KCTD10: variants seen among roughly 807,000 people sequenced by gnomAD.
The protein encoded by KCTD10 is potassium channel tetramerization domain containing 10.
A neutral mutation model predicts 34.6 loss-of-function variants in KCTD10; 13 were observed. That is an observed-to-expected ratio of 0.38 (90% CI 0.24 to 0.60). The LOEUF is 0.60. KCTD10 is among the 20% of genes least tolerant of loss of function. The pLI, the probability that KCTD10 is intolerant of heterozygous loss-of-function variation, is 0.66. For synonymous variants in KCTD10, 156 were observed against 168.8 expected, an observed-to-expected ratio of 0.92 and a Z score of 0.59; for missense variants, 256 against 420.3, an observed-to-expected ratio of 0.61 and a Z score of 3.42.
At chr12:109,455,874 C>A (rs1872991251) in intron 6 of KCTD10, among the ~76,000 whole-genome samples, 2 of 152,096 alleles carry the variant, frequency 1.3e-5, no homozygotes, top group South Asian at 4.1e-4. Flanking sequence ...AGAGTCCAGC[C>A]CAGTCAGGGA....
intron 6 of KCTD10, among the ~76,000 whole-genome samples, chr12:109,452,854 T>TTTTTTTTTTTTAA: frequency 6.6e-6 from 1 of 151,252 alleles, no homozygotes; most frequent in African/African-American, 2.4e-5. Flanking sequence ...CCTTTTTTTT[T>TTTTTTTTTTTTAA]AAAAGATATG....
intron 1 of KCTD10, chr12:109,470,534 G>A (rs1873834452): frequency 1.0e-6 from 1 of 985,336 alleles, no homozygotes. Flanking sequence ...GAGCAAACAT[G>A]TCTGAAATGA....
chr12:109,457,411 TATAATA>T (rs965538336), intron 5 of KCTD10: 3 of 467,376 alleles, frequency 6.4e-6, no homozygotes, highest in African/African-American at 2.0e-5. Flanking sequence ...ATATTGTGAA[TATAATA>T]ATAACTGTAC....
At chr12:109,452,076 C>T (rs1872801882) in intron 6 of KCTD10, among the ~76,000 whole-genome samples, 1 of 152,150 alleles carries the variant, frequency 6.6e-6, no homozygotes, top group African/African-American at 2.4e-5. Context: ...ATCATTTTAC[C>T]CTCTCAAAGA....
chr12:109,453,346 T>A (rs765984159), intron 6 of KCTD10, among the ~76,000 whole-genome samples: 1 of 151,948 alleles, frequency 6.6e-6, no homozygotes, highest in South Asian at 2.1e-4. Flanking sequence ...CACACCACCA[T>A]GCCCAGCTAT....
rs540283759 is a variant in KCTD10 at position 109,475,443 on chromosome 12, C to T, written c.3+1817G>A. Among the ~76,000 whole-genome samples the T allele has an allele frequency of 3.3e-5, 5 of 152,262 alleles. No homozygotes were observed. In the East Asian group the frequency reaches 9.6e-4, roughly 29 times the overall value. On this transcript the variant is annotated intron_variant, in intron 1 of 6. Transcript: ENST00000228495. ...AGTGAGCCAAGATAATACCAGTGCA[C>T]TCTCCAGCCTGGGCGACAGAGCAAG...
intron 2 of KCTD10, among the ~76,000 whole-genome samples, chr12:109,464,257 C>G (rs1266170383): frequency 1.3e-5 from 2 of 152,192 alleles, no homozygotes; most frequent in East Asian, 1.9e-4. Context: ...CTGCCTCATT[C>G]CTGATCAGAA....
chr12:109,457,808 C>CT (rs1873100582), intron 4 of KCTD10, 126 bp from the exon 5 acceptor site: 1 of 1,137,120 alleles, frequency 8.8e-7, no homozygotes, highest in African/African-American at 1.5e-5. Flanking sequence ...AGCTTGCTGG[C>CT]TGGAGAGGGG....
chr12:109,470,696 G>GT, intron 1 of KCTD10: 1 of 625,644 alleles, frequency 1.6e-6, no homozygotes, highest in Non-Finnish European at 2.0e-6. Flanking sequence ...CTGTGCCCTT[G>GT]CGACAAGACA....
At chr12:109,456,503 G>C (rs1211911091) in intron 5 of KCTD10, 190 bp from the exon 6 acceptor site, 2 of 626,282 alleles carry the variant, frequency 3.2e-6, no homozygotes, top group African/African-American at 1.8e-5. Context: ...AGAGAAATTA[G>C]GTAATTGCTC....
In KCTD10 at chr12:109,450,497, A is replaced by C; in HGVS notation, c.*1098T>G. The C allele has an allele frequency of 2.5e-6, 1 of 397,880 alleles. No individual in the cohort carries two copies. The highest frequency in any genetic ancestry group is 3.6e-5 in the East Asian group (1 of 28,048). The allele number at this position is 397,880 out of a possible 1,614,324, so 24.6% of individuals were successfully genotyped here. ...ACCTGTTCACTGCTGGCCACTCTAC[A>C]CTGTGTAAAAATCAGAGGCAAAGAC... On this transcript the variant is annotated 3_prime_UTR_variant, in exon 7 of 7. Coordinates refer to ENST00000228495, the MANE Select transcript of KCTD10 (RefSeq NM_031954.5).
At chr12:109,461,669 A>G (rs1051417760) in intron 2 of KCTD10, among the ~76,000 whole-genome samples, 3 of 152,196 alleles carry the variant, frequency 2.0e-5, no homozygotes, top group Admixed American at 6.5e-5. Context: ...AGAAGACAGG[A>G]CTGGAGCCTA....
At position 109,451,358 on chromosome 12, in the gene KCTD10, T is replaced by G; in HGVS notation, c.*237A>C. On this transcript the variant is annotated 3_prime_UTR_variant, in exon 7 of 7. Transcript: ENST00000228495. This position sits in a 1 kb window ranked among gnomAD's most constrained non-coding sequence, Gnocchi z 5.0. Reference sequence around the variant, plus strand: ...AAGCCTGGCTCCAAAGAGTCTCAGATTCTCATGAAAAGTAGAGATCTTAGA... The same window carrying G: ...AAGCCTGGCTCCAAAGAGTCTCAGAGTCTCATGAAAAGTAGAGATCTTAGA... 2.1e-6 allele frequency: 1 copy of G among 480,180 alleles called. No homozygotes were observed. Among genetic ancestry groups the G allele is most frequent in the Non-Finnish European group, 3.6e-6 (1 of 274,382 alleles). The allele number at this position is 480,180 out of a possible 1,614,324, so 29.7% of individuals were successfully genotyped here.
At chr12:109,463,186 G>A (rs1202329906) in intron 2 of KCTD10, among the ~76,000 whole-genome samples, 1 of 152,176 alleles carries the variant, frequency 6.6e-6, no homozygotes, top group African/African-American at 2.4e-5. Context: ...TGCCTTTGAT[G>A]TCTGCAGAAC....
intron 1 of KCTD10, among the ~76,000 whole-genome samples, chr12:109,474,452 G>A (rs1344735798): frequency 6.6e-6 from 1 of 152,130 alleles, no homozygotes; most frequent in Non-Finnish European, 1.5e-5. Flanking sequence ...TCCAGTTGGT[G>A]ACAATCGAAA....
At chr12:109,459,944 T>G (rs1035597457) in intron 3 of KCTD10, among the ~76,000 whole-genome samples, 4 of 152,224 alleles carry the variant, frequency 2.6e-5, no homozygotes, top group Non-Finnish European at 5.9e-5. Flanking sequence ...AATAAAAAAG[T>G]AAATGCTGCA....
chr12:109,459,244 TA>T (rs1873188855), intron 3 of KCTD10: 1 of 151,860 alleles, frequency 6.6e-6, no homozygotes, highest in South Asian at 2.1e-4. Context: ...AGGTGAAAAA[TA>T]AAACTTCTGA....
Position 109,458,068 on chromosome 12 carries a change from G to C in KCTD10, c.398C>G (p.Thr133Ser), listed in dbSNP as rs747613147. The C allele has an allele frequency of 2.5e-6, 4 of 1,614,000 alleles. No homozygotes were observed. Among genetic ancestry groups the C allele is most frequent in the Non-Finnish European group, 3.4e-6 (4 of 1,179,866 alleles). Residue 133 changes from threonine to serine, a missense_variant, in exon 4 of 7, where the codon ACT (threonine) becomes AGT (serine). Thr to Ser is a moderately conservative substitution (Grantham distance 58). This residue lies in a region of KCTD10 where 155 missense variants were observed against 207.0 expected (regional missense o/e 0.75). Coordinates refer to ENST00000228495, the MANE Select transcript of KCTD10 (RefSeq NM_031954.5). ...AGGGACCTTGCAGAAAGGCTCATAA[G>C]TATCTTTGTTCTGCTGGAACAAAAC... ...ECQAALQNKD[T>S]YEPFCKVPVI...
At chr12:109,469,025 T>G in intron 2 of KCTD10, 1 of 154,216 alleles carries the variant, frequency 6.5e-6, no homozygotes, top group South Asian at 2.0e-4. Context: ...TATATCTATC[T>G]ATCTATCTAC....
Sources: gnomAD v4.1 joint callset for allele counts (sites outside exome capture counted in the v4.1 genomes callset) on GRCh38, gnomAD v4.1.1 for gene constraint, gnomAD v4.1.1 regional missense constraint, Gnocchi (gnomAD v3.1) non-coding constraint, MANE v1.5 for transcripts, NCBI Gene and HGNC (gene_info 2026-07-23, HGNC 2026-07-21) for gene names.